SCHIP1: variants seen among roughly 807,000 people sequenced by gnomAD.
SCHIP1 encodes the protein schwannomin interacting protein 1.
In SCHIP1, 8 loss-of-function variants were observed where a neutral mutation model predicts 29.7. That is an observed-to-expected ratio of 0.27 (90% CI 0.16 to 0.49). The LOEUF (loss-of-function observed/expected upper bound fraction) is 0.49, where lower values mean the gene tolerates loss of function less well. Among genes scored for constraint, SCHIP1 ranks in the 20% least tolerant of loss-of-function variants. The probability of loss-of-function intolerance (pLI) is 0.99; values close to 1 mark genes in which losing one functional copy is unlikely to be tolerated. For missense variants in SCHIP1, 193 were observed against 294.6 expected (o/e 0.66, Z 2.52); for synonymous variants, 76 against 94.9 (o/e 0.80, Z 1.16).
chr3:159,569,742 A>C, the SCHIP1 span, among the ~76,000 whole-genome samples: 4 of 152,322 alleles, frequency 2.6e-5, no homozygotes, highest in African/African-American at 9.6e-5. Flanking sequence ...AGGAATTGCC[A>C]CATTGTCTTC....
the SCHIP1 span, among the ~76,000 whole-genome samples, chr3:159,602,904 G>T: frequency 6.6e-6 from 1 of 152,064 alleles, no homozygotes; most frequent in Admixed American, 6.5e-5. Flanking sequence ...ATACCACCTG[G>T]GTGTTCCCCG....
the SCHIP1 span, among the ~76,000 whole-genome samples, chr3:159,371,486 T>A: frequency 6.6e-6 from 1 of 152,042 alleles, no homozygotes; most frequent in Non-Finnish European, 1.5e-5. Context: ...TAGAGAGAGG[T>A]CTGTATAAAG....
At chr3:159,453,870 C>T in the SCHIP1 span, among the ~76,000 whole-genome samples, 9 of 152,278 alleles carry the variant, frequency 5.9e-5, no homozygotes, top group South Asian at 1.4e-3. Context: ...GCCCACTGAA[C>T]GCTAATACAG....
chr3:159,885,814 G>A (rs1716906905), intron 2 of SCHIP1, among the ~76,000 whole-genome samples: 1 of 152,344 alleles, frequency 6.6e-6, no homozygotes, highest in South Asian at 2.1e-4. Context: ...GAGAGTCTTT[G>A]ATTGTCCCCC....
exon 4 of SCHIP1, chr3:159,887,730 C>G (rs764742108): frequency 6.2e-7 from 1 of 1,613,998 alleles, no homozygotes. Flanking sequence ...TCTTCCTATT[C>G]TGATAGAGAC....
chr3:159,283,466 T>TTTAC, the SCHIP1 span, among the ~76,000 whole-genome samples: 1 of 152,074 alleles, frequency 6.6e-6, no homozygotes. Flanking sequence ...TATTTTTTAC[T>TTTAC]TTACTTACTA....
chr3:159,505,873 G>T, the SCHIP1 span, among the ~76,000 whole-genome samples: 1 of 152,166 alleles, frequency 6.6e-6, no homozygotes, highest in Non-Finnish European at 1.5e-5. Context: ...GTCTATCATT[G>T]TTGGGCATTT....
the SCHIP1 span, among the ~76,000 whole-genome samples, chr3:159,692,450 C>T: frequency 3.9e-5 from 6 of 152,126 alleles, no homozygotes; most frequent in African/African-American, 1.4e-4. Context: ...CTAATCTTGT[C>T]TTCACACTTT....
At chr3:159,679,377 C>T in the SCHIP1 span, among the ~76,000 whole-genome samples, 1 of 152,130 alleles carries the variant, frequency 6.6e-6, no homozygotes, top group Non-Finnish European at 1.5e-5. Flanking sequence ...GAGAGCATCT[C>T]GACAGTTTAT....
At chr3:159,646,546 T>G in the SCHIP1 span, among the ~76,000 whole-genome samples, 1 of 152,150 alleles carries the variant, frequency 6.6e-6, no homozygotes, top group South Asian at 2.1e-4. Context: ...TGCCTACTCT[T>G]GCTCCCTCTC....
At chr3:159,552,458 A>G in the SCHIP1 span, among the ~76,000 whole-genome samples, 1 of 152,294 alleles carries the variant, frequency 6.6e-6, no homozygotes, top group Middle Eastern at 3.4e-3. Context: ...ACAAAAAAAA[A>G]TAGTTTTTAA....
chr3:159,616,635 C>T, the SCHIP1 span, among the ~76,000 whole-genome samples: 4 of 152,236 alleles, frequency 2.6e-5, no homozygotes, highest in Non-Finnish European at 4.4e-5. Flanking sequence ...GTGATATCTT[C>T]CTTCAGATAG....
the SCHIP1 span, among the ~76,000 whole-genome samples, chr3:159,473,674 G>GAAAAAAAAAAAA: frequency 1.2e-4 from 10 of 81,438 alleles, no homozygotes; most frequent in African/African-American, 2.3e-4. Context: ...ATGTAACTAC[G>GAAAAAAAAAAAA]AAAAAAAAAA....
the SCHIP1 span, among the ~76,000 whole-genome samples, chr3:159,603,062 A>G: frequency 6.6e-6 from 1 of 151,178 alleles, no homozygotes. Flanking sequence ...GCTGTAAATC[A>G]GAGTCCTTAC....
At chr3:159,510,025 G>A in the SCHIP1 span, among the ~76,000 whole-genome samples, 45 of 152,276 alleles carry the variant, frequency 3.0e-4, 1 homozygote, top group African/African-American at 1.0e-3. Flanking sequence ...GCCTTGCTAG[G>A]TTGGGGAAGT....
the SCHIP1 span, among the ~76,000 whole-genome samples, chr3:159,647,689 T>A: frequency 6.6e-6 from 1 of 152,190 alleles, no homozygotes; most frequent in African/African-American, 2.4e-5. Flanking sequence ...CCCACTGGAC[T>A]GGTCCAAGAT....
the SCHIP1 span, among the ~76,000 whole-genome samples, chr3:159,540,327 G>T: frequency 1.3e-5 from 2 of 152,050 alleles, no homozygotes; most frequent in Non-Finnish European, 2.9e-5. Context: ...TATAGGAAGG[G>T]CTATTTAGTG....
At chr3:159,643,453 C>T in the SCHIP1 span, among the ~76,000 whole-genome samples, 6 of 152,202 alleles carry the variant, frequency 3.9e-5, no homozygotes, top group Admixed American at 3.9e-4. Context: ...GGAGCCATTA[C>T]TGTCATACAT....
At chr3:159,825,246 A>G in the SCHIP1 span, among the ~76,000 whole-genome samples, 13 of 152,266 alleles carry the variant, frequency 8.5e-5, no homozygotes, top group South Asian at 2.1e-3. Context: ...GGGGGCATCT[A>G]GTTACTGCAG....
Sources: allele counts gnomAD v4.1 joint callset (sites outside exome capture counted in the v4.1 genomes callset), GRCh38; gene constraint gnomAD v4.1.1; transcripts MANE v1.5; gene names NCBI Gene and HGNC (gene_info 2026-07-23, HGNC 2026-07-21).